FSIP1: variants seen among roughly 807,000 people sequenced by gnomAD.
FSIP1 encodes fibrous sheath-interacting protein 1.
In FSIP1, 65 loss-of-function variants were observed where a neutral mutation model predicts 60.9. The ratio of observed to expected loss-of-function variants is 1.07; its 90% CI spans 0.87 to 1.31. The LOEUF (loss-of-function observed/expected upper bound fraction) is 1.31. FSIP1 is among the 40% of genes most tolerant of loss of function. The pLI is 0.00. For synonymous variants in FSIP1, 209 were observed against 221.2 expected (o/e 0.94, Z 0.49); for missense variants, 675 against 665.5 (o/e 1.01, Z -0.16).
chr15:39,650,396 C>T (rs1044858248), intron 10 of FSIP1, among the ~76,000 whole-genome samples: 2 of 152,222 alleles, frequency 1.3e-5, no homozygotes, highest in Admixed American at 1.3e-4. Flanking sequence ...CATCCTGTTA[C>T]TTCTCTGTCT....
At chr15:39,648,554 A>T (rs1287866977) in intron 10 of FSIP1, among the ~76,000 whole-genome samples, 1 of 152,252 alleles carries the variant, frequency 6.6e-6, no homozygotes, top group Admixed American at 6.5e-5. Context: ...AGGAAAAGAA[A>T]ACACAAGTAT....
At chr15:39,656,295 AAAGTT>A (rs1893067291) in intron 10 of FSIP1, among the ~76,000 whole-genome samples, 1 of 152,386 alleles carries the variant, frequency 6.6e-6, no homozygotes, top group East Asian at 1.9e-4. Context: ...AACAATTTAC[AAAGTT>A]AAGTTGTTAT....
rs755909090 is a variant in FSIP1 at position 39,713,526 on chromosome 15, A to G, written c.1106T>C (p.Leu369Pro). 1 of 1,610,356 alleles carries G rather than the reference A, an allele frequency of 6.2e-7. No individual in the cohort carries two copies. Among genetic ancestry groups the G allele is most frequent in the South Asian group, 1.1e-5 (1 of 90,290 alleles). ...NMEVTPGEKI[L>P]RNTKEQRDLH... The stretch of plus-strand genomic sequence containing the variant: ...ATCGCGTTGCTCTTTGGTGTTCCTA[A>G]GTATCTTTTCTCCTGGAGTTACTTC... The change falls in exon 10 of 12, where the codon CTT (leucine) becomes CCT (proline). Residue 369 changes from leucine (L) to proline (P), a missense_variant. Transcript: ENST00000350221.
intron 5 of FSIP1, among the ~76,000 whole-genome samples, chr15:39,758,068 G>A (rs1897356962): frequency 6.6e-6 from 1 of 152,024 alleles, no homozygotes; most frequent in African/African-American, 2.4e-5. Flanking sequence ...TTCCATGTTA[G>A]AACATCAGGA....
chr15:39,776,624 G>A, intron 1 of FSIP1, 93 bp from the exon 2 acceptor site: 1 of 1,149,962 alleles, frequency 8.7e-7, no homozygotes, highest in Non-Finnish European at 1.2e-6. Flanking sequence ...CAGAGGCTTT[G>A]TTTTAAAGAT....
At chr15:39,770,395 A>G in intron 3 of FSIP1, 32 bp downstream of exon 3, 2 of 1,434,182 alleles carry the variant, frequency 1.4e-6, no homozygotes, top group Non-Finnish European at 1.9e-6. Flanking sequence ...ATTTGTAATT[A>G]TCATTAGCCA....
At chr15:39,746,456 G>C (rs1896996856) in intron 5 of FSIP1, among the ~76,000 whole-genome samples, 1 of 152,144 alleles carries the variant, frequency 6.6e-6, no homozygotes. Flanking sequence ...AAAACAACTG[G>C]ACAGAAAGGA....
intron 10 of FSIP1, among the ~76,000 whole-genome samples, chr15:39,630,286 A>G (rs1234163654): frequency 1.3e-5 from 2 of 152,256 alleles, no homozygotes; most frequent in East Asian, 3.8e-4. Context: ...AAATTATGAA[A>G]GTTAAATTAT....
intron 11 of FSIP1, among the ~76,000 whole-genome samples, chr15:39,601,485 G>C (rs58716252): frequency 0.027 from 4,183 of 152,290 alleles, 185 homozygotes; most frequent in African/African-American, 0.096. Flanking sequence ...TGGTGCAGTA[G>C]CTTTAGAAAC....
chr15:39,779,847 G>C (rs1264455712), intron 1 of FSIP1, among the ~76,000 whole-genome samples: 1 of 152,178 alleles, frequency 6.6e-6, no homozygotes, highest in Admixed American at 6.5e-5. Flanking sequence ...GTATTTTGAG[G>C]TGAATAAAAG....
intron 10 of FSIP1, among the ~76,000 whole-genome samples, chr15:39,636,072 T>C (rs1371124416): frequency 6.6e-6 from 1 of 152,136 alleles, no homozygotes; most frequent in African/African-American, 2.4e-5. Context: ...CCAACAATAT[T>C]ATCTCCCTAA....
At chr15:39,668,715 T>C (rs1036542795) in intron 10 of FSIP1, among the ~76,000 whole-genome samples, 11 of 152,196 alleles carry the variant, frequency 7.2e-5, no homozygotes, top group African/African-American at 2.7e-4. Context: ...ATCAGGTCAG[T>C]TGGAATCTAA....
intron 10 of FSIP1, among the ~76,000 whole-genome samples, chr15:39,697,827 C>T (rs1403358021): frequency 1.3e-5 from 2 of 152,108 alleles, no homozygotes; most frequent in African/African-American, 4.8e-5. Flanking sequence ...TCTTGGCCAT[C>T]ATTTTTTAGA....
chr15:39,629,804 G>T (rs1343651208), intron 10 of FSIP1, among the ~76,000 whole-genome samples: 1 of 152,234 alleles, frequency 6.6e-6, no homozygotes, highest in African/African-American at 2.4e-5. Flanking sequence ...ATAGCTGGAT[G>T]ATAGAAAGAT....
chr15:39,621,336 T>C (rs1324217232), intron 10 of FSIP1, among the ~76,000 whole-genome samples: 1 of 152,190 alleles, frequency 6.6e-6, no homozygotes, highest in African/African-American at 2.4e-5. Flanking sequence ...TTCTGGGCAC[T>C]ATGAGATAAA....
At chr15:39,667,221 T>C (rs1893530568) in intron 10 of FSIP1, among the ~76,000 whole-genome samples, 1 of 152,074 alleles carries the variant, frequency 6.6e-6, no homozygotes, top group Admixed American at 6.5e-5. Context: ...TTAAAGAAAA[T>C]AATTTTTTTA....
chr15:39,687,754 T>C (rs1231832563), intron 10 of FSIP1, among the ~76,000 whole-genome samples: 3 of 152,238 alleles, frequency 2.0e-5, no homozygotes, highest in Non-Finnish European at 4.4e-5. Flanking sequence ...TTAATGAATG[T>C]ATCCTCTTGC....
chr15:39,718,449 AT>A (rs1319937041), intron 9 of FSIP1, among the ~76,000 whole-genome samples: 1 of 149,562 alleles, frequency 6.7e-6, no homozygotes, highest in Non-Finnish European at 1.5e-5. Flanking sequence ...TAGTTCCTGA[AT>A]TTCCTACAAT....
intron 10 of FSIP1, among the ~76,000 whole-genome samples, chr15:39,626,827 G>A (rs1208032028): frequency 6.6e-6 from 1 of 152,126 alleles, no homozygotes; most frequent in Non-Finnish European, 1.5e-5. Flanking sequence ...GAAAATGGAT[G>A]AATACAGTTA....
Sources: allele counts gnomAD v4.1 joint callset (sites outside exome capture counted in the v4.1 genomes callset), GRCh38; gene constraint gnomAD v4.1.1; transcripts MANE v1.5; gene names NCBI Gene and HGNC (gene_info 2026-07-23, HGNC 2026-07-21).